The following OSBP2 variants were observed in gnomAD, a reference collection of about 807,000 sequenced individuals.
The protein encoded by OSBP2 is oxysterol-binding protein 2.
A neutral mutation model predicts 96.0 loss-of-function variants in OSBP2; 66 were observed. That is an observed-to-expected ratio of 0.69 (90% CI 0.56 to 0.84). OSBP2 has a LOEUF of 0.84. Ranked by LOEUF, OSBP2 falls within the 40% of genes least tolerant of loss-of-function variation. The pLI, the probability that OSBP2 is intolerant of heterozygous loss-of-function variation, is 0.00. For missense variants in OSBP2, 1,038 were observed against 1,222.7 expected, an observed-to-expected ratio of 0.85 and a Z score of 2.25; for synonymous variants, 525 against 520.9, an observed-to-expected ratio of 1.01 and a Z score of -0.11.
intron 8 of OSBP2, among the ~76,000 whole-genome samples, chr22:30,891,709 C>T (rs114139417): frequency 0.017 from 2,588 of 151,230 alleles, 84 homozygotes; most frequent in African/African-American, 0.06. Context: ...GCTGGTTTGC[C>T]GACGCTTTGG....
chr22:30,811,257 T>G (rs563531298), intron 2 of OSBP2, among the ~76,000 whole-genome samples: 2 of 151,418 alleles, frequency 1.3e-5, no homozygotes, highest in South Asian at 4.2e-4. Context: ...ATTTTGGAGA[T>G]CTTTACATGT....
chr22:30,881,596 C>T lies in OSBP2; in HGVS notation c.1108-5830C>T, dbSNP rs2039705317. The T allele has an allele frequency of 8.1e-7, 1 of 1,232,874 alleles. No homozygotes were observed. Among genetic ancestry groups the T allele is most frequent in the South Asian group, 1.3e-5 (1 of 77,508 alleles). 76.4% of individuals were successfully genotyped at this position (1,232,874 alleles called of 1,614,324 possible). A position where few individuals can be genotyped will look rare whatever the true frequency, so the allele number is the denominator to read the frequency against. Reference sequence around the variant, plus strand: ...CTGGGTCAGCCAGGCCCTCCCTGGGCCCCTGGGAACCTCCCCCTGCCAGTC... The same window carrying T: ...CTGGGTCAGCCAGGCCCTCCCTGGGTCCCTGGGAACCTCCCCCTGCCAGTC... On this transcript the variant is annotated intron_variant, in intron 3 of 13. Transcript: ENST00000332585. This position sits in a 1 kb window ranked among gnomAD's most constrained non-coding sequence, Gnocchi z 4.5.
intron 2 of OSBP2, among the ~76,000 whole-genome samples, chr22:30,763,730 A>C (rs1419299290): frequency 2.0e-5 from 3 of 152,042 alleles, no homozygotes; most frequent in African/African-American, 7.2e-5. Context: ...CTCATGCAAT[A>C]TTTGGGCAGT....
At chr22:30,823,474 C>G (rs2038330586) in intron 2 of OSBP2, among the ~76,000 whole-genome samples, 1 of 152,228 alleles carries the variant, frequency 6.6e-6, no homozygotes, top group Non-Finnish European at 1.5e-5. Flanking sequence ...TTAAAAGACA[C>G]AGAGGCGGTT....
At chr22:30,770,369 T>C (rs2090331823) in intron 2 of OSBP2, among the ~76,000 whole-genome samples, 1 of 152,080 alleles carries the variant, frequency 6.6e-6, no homozygotes, top group Non-Finnish European at 1.5e-5. Context: ...GTGCTGGGAT[T>C]ACTGGCATGA....
intron 1 of OSBP2, among the ~76,000 whole-genome samples, chr22:30,711,710 A>G (rs2089354340): frequency 6.7e-6 from 1 of 149,234 alleles, no homozygotes; most frequent in African/African-American, 2.5e-5. Context: ...ACTGCACTCC[A>G]GCCTGGGTGA....
chr22:30,752,424 G>A (rs373009080), intron 2 of OSBP2, among the ~76,000 whole-genome samples: 9 of 145,254 alleles, frequency 6.2e-5, no homozygotes, highest in Middle Eastern at 3.6e-3. Flanking sequence ...TCAGCTTCCC[G>A]AGTAGCTGGG....
chr22:30,797,872 G>A (rs553539443), intron 2 of OSBP2, among the ~76,000 whole-genome samples: 1 of 152,266 alleles, frequency 6.6e-6, no homozygotes, highest in East Asian at 1.9e-4. Context: ...AGGATTACAG[G>A]TGTGAGCCAC....
At chr22:30,851,316 A>G (rs2038974327) in intron 2 of OSBP2, among the ~76,000 whole-genome samples, 1 of 152,132 alleles carries the variant, frequency 6.6e-6, no homozygotes. Context: ...TAATCCACCC[A>G]AAGGGCTGGG....
chr22:30,822,373 C>A, intron 2 of OSBP2: 1 of 576,806 alleles, frequency 1.7e-6, no homozygotes. Flanking sequence ...GACGAGGCCG[C>A]GCTCCTGGGG....
At chr22:30,860,097 C>T (rs191766683) in intron 2 of OSBP2, among the ~76,000 whole-genome samples, 2 of 152,266 alleles carry the variant, frequency 1.3e-5, no homozygotes, top group Non-Finnish European at 2.9e-5. Context: ...ACTAAAGGCT[C>T]CTAGAGAATC....
At chr22:30,721,496 C>T (rs1391036676) in intron 1 of OSBP2, among the ~76,000 whole-genome samples, 4 of 152,150 alleles carry the variant, frequency 2.6e-5, no homozygotes, top group African/African-American at 4.8e-5. Flanking sequence ...TGGTCTCCCA[C>T]GCAGACTCTG....
At chr22:30,899,507 A>C (rs546206233) in intron 12 of OSBP2, among the ~76,000 whole-genome samples, 1 of 152,304 alleles carries the variant, frequency 6.6e-6, no homozygotes, top group Admixed American at 6.5e-5. Context: ...TACTGTAAGG[A>C]AAACACGAGG....
chr22:30,887,898 C>G (rs998432081), intron 4 of OSBP2, among the ~76,000 whole-genome samples: 8 of 152,242 alleles, frequency 5.3e-5, no homozygotes, highest in Middle Eastern at 3.2e-3. Flanking sequence ...GGCCACCCAC[C>G]TAGCCTTGGG....
intron 2 of OSBP2, among the ~76,000 whole-genome samples, chr22:30,799,371 G>T (rs1238485015): frequency 6.6e-6 from 1 of 152,224 alleles, no homozygotes. Context: ...TGATCTGCCC[G>T]GCTTGGCCTC....
intron 8 of OSBP2, among the ~76,000 whole-genome samples, chr22:30,891,406 C>T (rs1385048177): frequency 2.0e-5 from 3 of 152,196 alleles, no homozygotes; most frequent in African/African-American, 7.2e-5. Context: ...ACCACCCCTT[C>T]CCCACAGAGA....
At chr22:30,858,879 C>CAATAATAATAATAAT (rs137975802) in intron 2 of OSBP2, among the ~76,000 whole-genome samples, 4,367 of 141,374 alleles carry the variant, frequency 0.031, 102 homozygotes, top group African/African-American at 0.056. Flanking sequence ...GACTCTGTCT[C>CAATAATAATAATAAT]AATAATAATA....
intron 6 of OSBP2, 115 bp downstream of exon 6, chr22:30,889,349 G>A (rs2039891219): frequency 1.4e-6 from 2 of 1,417,182 alleles, no homozygotes; most frequent in Non-Finnish European, 2.0e-6. Flanking sequence ...CCCCAGTCCA[G>A]GAGCACCATC....
intron 9 of OSBP2, 74 bp from the exon 10 acceptor site, chr22:30,893,389 C>T (rs2039996801): frequency 6.5e-7 from 1 of 1,537,634 alleles, no homozygotes; most frequent in Non-Finnish European, 9.0e-7. Flanking sequence ...GTTCTCAAGA[C>T]ACCAGGCCTA....
Sources: allele counts gnomAD v4.1 joint callset (sites outside exome capture counted in the v4.1 genomes callset), GRCh38; gene constraint gnomAD v4.1.1; non-coding constraint Gnocchi (gnomAD v3.1); transcripts MANE v1.5; gene names NCBI Gene and HGNC (gene_info 2026-07-23, HGNC 2026-07-21).